Variants in SMYD3 observed in about 807,000 individuals in gnomAD.
The protein encoded by SMYD3 is SET and MYND domain containing 3.
SMYD3 carries 36 observed loss-of-function variants against 57.7 expected under a neutral mutation model. The observed-to-expected ratio is 0.62, with a 90% CI of 0.48 to 0.82. The LOEUF (loss-of-function observed/expected upper bound fraction) is 0.82, where lower values mean the gene tolerates loss of function less well. Among genes scored for constraint, SMYD3 ranks in the 40% least tolerant of loss-of-function variants. The probability of loss-of-function intolerance (pLI) is 0.00; values close to 1 mark genes in which losing one functional copy is unlikely to be tolerated. For synonymous variants in SMYD3, 211 were observed against 195.0 expected (o/e 1.08, Z -0.68); for missense variants, 515 against 538.8 (o/e 0.96, Z 0.44).
At chr1:246,033,455 T>G (rs770195933) in intron 5 of SMYD3, among the ~76,000 whole-genome samples, 1 of 152,190 alleles carries the variant, frequency 6.6e-6, no homozygotes, top group Non-Finnish European at 1.5e-5. Flanking sequence ...CTTGTGGTGA[T>G]AGAAATGCCC....
chr1:246,426,893 T>C (rs2067227094), intron 1 of SMYD3, among the ~76,000 whole-genome samples: 1 of 152,078 alleles, frequency 6.6e-6, no homozygotes, highest in Non-Finnish European at 1.5e-5. Context: ...CTCTCTACTT[T>C]ACAGAAATCC....
intron 10 of SMYD3, among the ~76,000 whole-genome samples, chr1:245,811,454 T>C (rs1228669922): frequency 2.6e-5 from 4 of 152,224 alleles, no homozygotes; most frequent in African/African-American, 7.2e-5. Context: ...TTTGAAATGT[T>C]GAAAGTCTTG....
intron 7 of SMYD3, among the ~76,000 whole-genome samples, chr1:245,922,025 TA>T (rs1396464963): frequency 3.9e-5 from 6 of 152,328 alleles, no homozygotes; most frequent in Non-Finnish European, 8.8e-5. Flanking sequence ...ATTAGGTTAC[TA>T]AATATTCTTT....
chr1:245,777,410 T>C (rs2046650718), intron 10 of SMYD3, among the ~76,000 whole-genome samples: 1 of 152,156 alleles, frequency 6.6e-6, no homozygotes, highest in African/African-American at 2.4e-5. Flanking sequence ...GAAGTGTTTA[T>C]TTTTTTAAAA....
intron 10 of SMYD3, among the ~76,000 whole-genome samples, chr1:245,786,218 G>C (rs1000710594): frequency 2.7e-5 from 4 of 147,670 alleles, no homozygotes; most frequent in Middle Eastern, 3.4e-3. Context: ...GTGGACGGGG[G>C]GGGGATGGTG....
At chr1:246,330,559 C>T (rs1247617333) in intron 3 of SMYD3, 22 bp from the exon 4 acceptor site, 18 of 1,571,770 alleles carry the variant, frequency 1.1e-5, no homozygotes, top group South Asian at 2.5e-5. Context: ...AAGGGGAAAA[C>T]GCCAATAACA....
At chr1:246,327,949 T>C (rs1333405348) in intron 4 of SMYD3, among the ~76,000 whole-genome samples, 1 of 152,110 alleles carries the variant, frequency 6.6e-6, no homozygotes, top group Non-Finnish European at 1.5e-5. Context: ...ACCCCAACAC[T>C]TTGGGAGGCC....
At chr1:245,855,591 G>A (rs537183012) in intron 10 of SMYD3, among the ~76,000 whole-genome samples, 1 of 152,270 alleles carries the variant, frequency 6.6e-6, no homozygotes, top group South Asian at 2.1e-4. Flanking sequence ...TATATATGCC[G>A]ATACTATCAG....
intron 5 of SMYD3, among the ~76,000 whole-genome samples, chr1:246,125,079 A>ACACACACACACACACACACACAC: frequency 9.2e-6 from 1 of 108,288 alleles, no homozygotes; most frequent in African/African-American, 2.8e-5. Flanking sequence ...CTCAAAAAAA[A>ACACACACACACACACACACACAC]AAAAAAAAAC....
intron 5 of SMYD3, among the ~76,000 whole-genome samples, chr1:246,104,149 T>C (rs140623805): frequency 0.019 from 2,924 of 152,282 alleles, 59 homozygotes; most frequent in Admixed American, 0.033. Context: ...CTGGCTGAGA[T>C]AAGGCAAGAA....
intron 1 of SMYD3, among the ~76,000 whole-genome samples, chr1:246,424,933 ATT>A (rs2067196727): frequency 6.6e-6 from 1 of 152,214 alleles, no homozygotes; most frequent in Non-Finnish European, 1.5e-5. Flanking sequence ...ACTTTATATA[ATT>A]TCTTATATAC....
intron 1 of SMYD3, among the ~76,000 whole-genome samples, chr1:246,481,621 T>TATATATATATATATATATATATATATAC (rs1307881494): frequency 2.0e-5 from 2 of 98,560 alleles, no homozygotes; most frequent in African/African-American, 3.7e-5. Flanking sequence ...CATACATATA[T>TATATATATATATATATATATATATATAC]ACATACATAC....
chr1:246,125,973 TGGAA>T (rs1464857732), intron 5 of SMYD3, among the ~76,000 whole-genome samples: 1 of 152,164 alleles, frequency 6.6e-6, no homozygotes, highest in Non-Finnish European at 1.5e-5. Flanking sequence ...TAAGATGTAT[TGGAA>T]GGAAGAGACT....
chr1:245,883,234 C>T (rs986164993), intron 8 of SMYD3, among the ~76,000 whole-genome samples: 1 of 152,134 alleles, frequency 6.6e-6, no homozygotes, highest in African/African-American at 2.4e-5. Flanking sequence ...TGGAAACAGC[C>T]TATTTTTTCC....
At chr1:246,085,744 T>A (rs542643062) in intron 5 of SMYD3, among the ~76,000 whole-genome samples, 1 of 152,092 alleles carries the variant, frequency 6.6e-6, no homozygotes, top group South Asian at 2.1e-4. Context: ...CCATGTCACA[T>A]AAAACTTGAA....
chr1:245,866,029 T>C lies in SMYD3; in HGVS notation c.814-2143A>G, dbSNP rs376029039. Among the ~76,000 whole-genome samples the C allele has an allele frequency of 7.9e-5, 12 of 152,284 alleles. No individual in the cohort carries two copies. In the East Asian group the frequency reaches 1.4e-3, roughly 17 times the overall value. On this transcript the variant is annotated intron_variant, in intron 8 of 11. Coordinates refer to ENST00000490107, the MANE Select transcript of SMYD3 (RefSeq NM_001167740.2). ...GGGTGAGGAACGAGGGACATTTTCATACTCTAGACATCCCCCTGGAGACTG... is the reference window on the plus strand; with the variant it reads ...GGGTGAGGAACGAGGGACATTTTCACACTCTAGACATCCCCCTGGAGACTG...
intron 1 of SMYD3, among the ~76,000 whole-genome samples, chr1:246,402,551 TTTG>T (rs1317344055): frequency 6.6e-6 from 1 of 152,096 alleles, no homozygotes; most frequent in African/African-American, 2.4e-5. Context: ...CATTGAACTA[TTTG>T]TTATGTTCTT....
chr1:245,751,608 AAGAG>A (rs1302860924), intron 11 of SMYD3, among the ~76,000 whole-genome samples: 2 of 120,770 alleles, frequency 1.7e-5, no homozygotes, highest in Non-Finnish European at 3.7e-5. Flanking sequence ...GAGAGAGAGA[AAGAG>A]AGAGAGAAAA....
intron 5 of SMYD3, among the ~76,000 whole-genome samples, chr1:246,293,859 A>G (rs1262259973): frequency 6.6e-6 from 1 of 152,072 alleles, no homozygotes; most frequent in Non-Finnish European, 1.5e-5. Context: ...AGCACTCATG[A>G]CTCTAAGGTG....
Sources: allele counts gnomAD v4.1 joint callset (sites outside exome capture counted in the v4.1 genomes callset), GRCh38; gene constraint gnomAD v4.1.1; transcripts MANE v1.5; gene names NCBI Gene and HGNC (gene_info 2026-07-23, HGNC 2026-07-21).